BFSP2: variants seen among roughly 807,000 people sequenced by gnomAD.
BFSP2 encodes the protein phakinin.
BFSP2 carries 38 observed loss-of-function variants against 44.9 expected under a neutral mutation model. The ratio of observed to expected loss-of-function variants is 0.85; its 90% CI spans 0.65 to 1.11. The LOEUF is 1.11. Among genes scored for constraint, BFSP2 ranks in the 50% least tolerant of loss-of-function variants. The pLI, the probability that BFSP2 is intolerant of heterozygous loss-of-function variation, is 0.00. For missense variants in BFSP2, 525 were observed against 533.0 expected (o/e 0.99, Z 0.15); for synonymous variants, 197 against 209.9 (o/e 0.94, Z 0.53).
chr3:133,430,687 C>A (rs927177534), intron 1 of BFSP2, among the ~76,000 whole-genome samples: 3 of 152,118 alleles, frequency 2.0e-5, no homozygotes, highest in Non-Finnish European at 2.9e-5. Flanking sequence ...AGTCTCTGTT[C>A]CCAATGCAAC....
At chr3:133,424,245 T>TGTGTGTGTG (rs2073623766) in intron 1 of BFSP2, among the ~76,000 whole-genome samples, 1 of 129,714 alleles carries the variant, frequency 7.7e-6, no homozygotes, top group African/African-American at 3.5e-5. Context: ...TTTTTTTGTA[T>TGTGTGTGTG]TTTTAGTAGA....
At chr3:133,425,825 A>AGAAGG (rs1338829782) in intron 1 of BFSP2, among the ~76,000 whole-genome samples, 2 of 139,030 alleles carry the variant, frequency 1.4e-5, no homozygotes, top group Admixed American at 7.3e-5. Flanking sequence ...AGGGAAATAA[A>AGAAGG]GAAGGGAAGG....
chr3:133,414,445 T>C (rs1367311255), intron 1 of BFSP2, among the ~76,000 whole-genome samples: 8 of 37,274 alleles, frequency 2.1e-4, no homozygotes, highest in Admixed American at 7.5e-4. Flanking sequence ...ACCCCTGCCC[T>C]CTCCCCTCTA....
intron 1 of BFSP2, among the ~76,000 whole-genome samples, chr3:133,429,900 C>A (rs1370423071): frequency 2.2e-4 from 33 of 151,384 alleles, no homozygotes; most frequent in Non-Finnish European, 4.9e-4. Flanking sequence ...TGCTATCCCT[C>A]CCCACTACCC....
intron 4 of BFSP2, among the ~76,000 whole-genome samples, chr3:133,462,007 A>G (rs796802983): frequency 1.5e-4 from 23 of 152,280 alleles, no homozygotes; most frequent in African/African-American, 5.5e-4. Context: ...ACCCACTGCA[A>G]GGGATACTGT....
rs59331608 is a variant in BFSP2 at position 133,466,677 on chromosome 3, CAAAAAA to C, written c.892-136_892-131del. The C allele has an allele frequency of 1.5e-4, 40 of 259,238 alleles. 2 individuals carry two copies. Among genetic ancestry groups the C allele is most frequent in the Non-Finnish European group, 2.3e-4 (34 of 147,894 alleles). The allele number at this position is 259,238 out of a possible 1,614,324, so 16.1% of individuals were successfully genotyped here. On this transcript the variant is annotated intron_variant, in intron 4 of 6. Transcript: ENST00000302334. The stretch of plus-strand genomic sequence containing the variant: ...GCTACAGAGCGAGACTTCATCTCAA[CAAAAAA>C]AAAAAAAAAAAAAAGATGTTTCCAC...
chr3:133,409,438 T>A (rs2107879289), intron 1 of BFSP2, among the ~76,000 whole-genome samples: 1 of 152,308 alleles, frequency 6.6e-6, no homozygotes, highest in East Asian at 1.9e-4. Flanking sequence ...AATAAATATA[T>A]GCCTATTTCC....
At position 133,400,081 on chromosome 3, in the gene BFSP2, G is replaced by T. The variant is rs373943152; in HGVS notation, c.-3G>T. 1.9e-6 allele frequency: 3 copies of T among 1,614,026 alleles called. No homozygotes were observed. Among genetic ancestry groups the T allele is most frequent in the African/African-American group, 2.7e-5 (2 of 74,930 alleles). On this transcript the variant is annotated 5_prime_UTR_variant, in exon 1 of 7. Coordinates refer to ENST00000302334, the MANE Select transcript of BFSP2 (RefSeq NM_003571.4). This position sits in a 1 kb window ranked among gnomAD's most constrained non-coding sequence, Gnocchi z 4.0. ...ACTGGGCACCACAGAGGCAGAAGGG[G>T]TGATGAGTGAGAGGCGAGTGGTAGT...
chr3:133,428,667 G>A (rs1387756578), intron 1 of BFSP2, among the ~76,000 whole-genome samples: 1 of 152,226 alleles, frequency 6.6e-6, no homozygotes, highest in Admixed American at 6.5e-5. Flanking sequence ...GAAAGTCGGG[G>A]ATAACTGTCT....
intron 1 of BFSP2, among the ~76,000 whole-genome samples, chr3:133,433,691 AC>A (rs925710705): frequency 7.2e-5 from 11 of 152,168 alleles, no homozygotes; most frequent in African/African-American, 2.7e-4. Context: ...CTGATAACAG[AC>A]CAGCCTTTAT....
intron 1 of BFSP2, chr3:133,410,359 G>T: frequency 3.0e-6 from 1 of 328,638 alleles, no homozygotes; most frequent in Non-Finnish European, 5.8e-6. Context: ...ACATGACTGT[G>T]ACTCACATAG....
At chr3:133,411,690 A>AG (rs1295332932) in intron 1 of BFSP2, among the ~76,000 whole-genome samples, 1 of 145,626 alleles carries the variant, frequency 6.9e-6, no homozygotes, top group Non-Finnish European at 1.5e-5. Flanking sequence ...AATAGAGGGA[A>AG]GGGTGGACTT....
intron 1 of BFSP2, among the ~76,000 whole-genome samples, chr3:133,439,090 C>T (rs995443658): frequency 6.6e-6 from 1 of 152,164 alleles, no homozygotes; most frequent in Non-Finnish European, 1.5e-5. Flanking sequence ...TTAGTGTGAC[C>T]ACTTACTTCA....
chr3:133,414,647 C>CTCCTA (rs2073492693), intron 1 of BFSP2, among the ~76,000 whole-genome samples: 1 of 121,736 alleles, frequency 8.2e-6, no homozygotes. Context: ...CCTCTACTCA[C>CTCCTA]CGCTGTCTCA....
At chr3:133,471,135 TGGAGTTTAAGCAGA>T (rs1263041070) in intron 5 of BFSP2, among the ~76,000 whole-genome samples, 1 of 152,122 alleles carries the variant, frequency 6.6e-6, no homozygotes, top group Non-Finnish European at 1.5e-5. Context: ...GAGCCATCAA[TGGAGTTTAAGCAGA>T]GGAGATACAG....
chr3:133,448,046 T>C (rs541568832), intron 2 of BFSP2, among the ~76,000 whole-genome samples: 4 of 152,384 alleles, frequency 2.6e-5, no homozygotes, highest in African/African-American at 9.6e-5. Context: ...CTCCTGGAGA[T>C]GGACACTTTT....
chr3:133,449,972 G>T (rs149860493), intron 3 of BFSP2, among the ~76,000 whole-genome samples: 5,994 of 114,740 alleles, frequency 0.052, 188 homozygotes, highest in Middle Eastern at 0.1. Context: ...AGAGAAAGAA[G>T]GAAAGAAGGA....
At chr3:133,462,410 C>T (rs1438066195) in intron 4 of BFSP2, among the ~76,000 whole-genome samples, 1 of 152,168 alleles carries the variant, frequency 6.6e-6, no homozygotes, top group Non-Finnish European at 1.5e-5. Flanking sequence ...CAGTAAATAT[C>T]ACGGAAGCTG....
intron 4 of BFSP2, among the ~76,000 whole-genome samples, chr3:133,458,522 C>T (rs935720386): frequency 1.3e-5 from 2 of 152,054 alleles, no homozygotes; most frequent in Admixed American, 6.6e-5. Context: ...GGTGAAACCA[C>T]GTCTCTACTA....
Sources: gnomAD v4.1 joint callset for allele counts (sites outside exome capture counted in the v4.1 genomes callset) on GRCh38, gnomAD v4.1.1 for gene constraint, Gnocchi (gnomAD v3.1) non-coding constraint, MANE v1.5 for transcripts, NCBI Gene and HGNC (gene_info 2026-07-23, HGNC 2026-07-21) for gene names.